CACNA2D3: variants seen among roughly 807,000 people sequenced by gnomAD.
CACNA2D3 encodes calcium voltage-gated channel auxiliary subunit alpha2delta 3.
In CACNA2D3, 60 loss-of-function variants were observed where a neutral mutation model predicts 160.6. The ratio of observed to expected loss-of-function variants is 0.37; its 90% confidence interval spans 0.30 to 0.46. The LOEUF (loss-of-function observed/expected upper bound fraction) is 0.46. Among genes scored for constraint, CACNA2D3 ranks in the 20% least tolerant of loss-of-function variants. The pLI, the probability that CACNA2D3 is intolerant of heterozygous loss-of-function variation, is 1.00. For synonymous variants in CACNA2D3, 558 were observed against 492.9 expected, an observed-to-expected ratio of 1.13 and a Z score of -1.75; for missense variants, 1,205 against 1,365.0, an observed-to-expected ratio of 0.88 and a Z score of 1.85.
chr3:54,192,924 A>G (rs1362372816), intron 2 of CACNA2D3, among the ~76,000 whole-genome samples: 2 of 152,182 alleles, frequency 1.3e-5, no homozygotes, highest in African/African-American at 4.8e-5. Context: ...GAATTTAAGA[A>G]TTACGACAGC....
chr3:54,185,569 T>C (rs1356710156), intron 2 of CACNA2D3, among the ~76,000 whole-genome samples: 2 of 152,208 alleles, frequency 1.3e-5, no homozygotes. Context: ...TATTATTCTA[T>C]AGATTCAACA....
At chr3:54,975,551 C>T (rs1057082317) in intron 29 of CACNA2D3, among the ~76,000 whole-genome samples, 4 of 139,940 alleles carry the variant, frequency 2.9e-5, no homozygotes. Flanking sequence ...AAAAAAACAA[C>T]GTGGCCCCCT....
intron 4 of CACNA2D3, among the ~76,000 whole-genome samples, chr3:54,460,616 C>G (rs1316198850): frequency 6.6e-6 from 1 of 152,238 alleles, no homozygotes; most frequent in African/African-American, 2.4e-5. Context: ...GATTTTTGTA[C>G]ATTGATTTTG....
At chr3:54,687,552 A>G (rs950199210) in intron 11 of CACNA2D3, among the ~76,000 whole-genome samples, 1 of 152,182 alleles carries the variant, frequency 6.6e-6, no homozygotes, top group African/African-American at 2.4e-5. Flanking sequence ...TCTGAAAGCT[A>G]GGTGGTTGAT....
chr3:54,760,499 T>C (rs1702063041), intron 12 of CACNA2D3, among the ~76,000 whole-genome samples: 1 of 152,040 alleles, frequency 6.6e-6, no homozygotes, highest in Admixed American at 6.6e-5. Context: ...TTATTTTAAC[T>C]CTAAATATAA....
At chr3:54,246,358 A>G (rs1263297398) in intron 2 of CACNA2D3, among the ~76,000 whole-genome samples, 1 of 152,160 alleles carries the variant, frequency 6.6e-6, no homozygotes, top group Non-Finnish European at 1.5e-5. Context: ...CTTTTTGCCC[A>G]GATGCTCGAA....
At chr3:54,874,165 C>T (rs563736869) in intron 18 of CACNA2D3, among the ~76,000 whole-genome samples, 2 of 152,082 alleles carry the variant, frequency 1.3e-5, no homozygotes, top group African/African-American at 2.4e-5. Flanking sequence ...TATACTGTTA[C>T]AATGTATATA....
At chr3:54,845,236 G>A (rs950828638) in intron 16 of CACNA2D3, among the ~76,000 whole-genome samples, 2 of 152,164 alleles carry the variant, frequency 1.3e-5, no homozygotes, top group Non-Finnish European at 2.9e-5. Context: ...ACTTTTAATT[G>A]CCAGTGTTAA....
chr3:54,400,289 C>G (rs4974365), intron 4 of CACNA2D3, among the ~76,000 whole-genome samples: 1 of 151,662 alleles, frequency 6.6e-6, no homozygotes, highest in African/African-American at 2.4e-5. Flanking sequence ...AGCTGTAGAC[C>G]GGAGCTGTTC....
intron 35 of CACNA2D3, among the ~76,000 whole-genome samples, chr3:55,030,490 G>A (rs1201979861): frequency 6.6e-6 from 1 of 152,106 alleles, no homozygotes; most frequent in Non-Finnish European, 1.5e-5. Flanking sequence ...ATATGTTTAT[G>A]GTTGCTAAAA....
chr3:54,776,835 T>C (rs1702434683), intron 13 of CACNA2D3, among the ~76,000 whole-genome samples: 1 of 152,094 alleles, frequency 6.6e-6, no homozygotes, highest in African/African-American at 2.4e-5. Flanking sequence ...CCATAGACTA[T>C]CCCTGCTGTG....
At chr3:54,248,808 A>G (rs1702130535) in intron 2 of CACNA2D3, among the ~76,000 whole-genome samples, 1 of 152,242 alleles carries the variant, frequency 6.6e-6, no homozygotes, top group African/African-American at 2.4e-5. Context: ...GGGTTACTCC[A>G]GCAGATAAAG....
chr3:54,152,646 A>G (rs751472666), intron 2 of CACNA2D3, among the ~76,000 whole-genome samples: 2 of 152,238 alleles, frequency 1.3e-5, no homozygotes, highest in Non-Finnish European at 2.9e-5. Context: ...AAATGAAACC[A>G]CAGAATGCAA....
chr3:54,253,377 C>T (rs1702232852), intron 2 of CACNA2D3, among the ~76,000 whole-genome samples: 1 of 152,106 alleles, frequency 6.6e-6, no homozygotes, highest in East Asian at 1.9e-4. Flanking sequence ...AGGAAATTTA[C>T]AGTCATGGCA....
intron 5 of CACNA2D3, among the ~76,000 whole-genome samples, chr3:54,538,714 CT>C (rs891273310): frequency 2.0e-5 from 3 of 152,160 alleles, no homozygotes; most frequent in African/African-American, 7.2e-5. Flanking sequence ...GCCTTTGGCC[CT>C]GGTGCAAAGA....
At chr3:54,626,977 AG>A (rs1699132259) in intron 9 of CACNA2D3, among the ~76,000 whole-genome samples, 1 of 152,200 alleles carries the variant, frequency 6.6e-6, no homozygotes, top group Admixed American at 6.5e-5. Flanking sequence ...GAAGGGTCTT[AG>A]GGCCTACTCT....
chr3:54,148,046 C>T (rs1423538230), intron 2 of CACNA2D3, among the ~76,000 whole-genome samples: 2 of 152,234 alleles, frequency 1.3e-5, no homozygotes, highest in Non-Finnish European at 1.5e-5. Context: ...ATCCGTCCGC[C>T]TTGGCGTCCC....
At chr3:54,832,290 T>G (rs1382480862) in intron 14 of CACNA2D3, among the ~76,000 whole-genome samples, 2 of 152,184 alleles carry the variant, frequency 1.3e-5, no homozygotes, top group Admixed American at 1.3e-4. Flanking sequence ...TGTGCACACT[T>G]CTGTGTGTGA....
intron 11 of CACNA2D3, among the ~76,000 whole-genome samples, chr3:54,695,024 A>G (rs954626992): frequency 6.7e-6 from 1 of 149,786 alleles, no homozygotes; most frequent in African/African-American, 2.4e-5. Context: ...GTCATAAAAT[A>G]TTTTTTTTTT....
Sources: gnomAD v4.1 joint callset for allele counts (sites outside exome capture counted in the v4.1 genomes callset) on GRCh38, gnomAD v4.1.1 for gene constraint, MANE v1.5 for transcripts, NCBI Gene and HGNC (gene_info 2026-07-23, HGNC 2026-07-21) for gene names.